The following GTF2A2 variants were observed in gnomAD, a reference collection of about 807,000 sequenced individuals.
GTF2A2 encodes general transcription factor IIA subunit 2, also known as transcription initiation factor IIA subunit 2.
Under a neutral mutation model 14.3 loss-of-function variants are expected in GTF2A2, and 9 were observed. That is an observed-to-expected ratio of 0.63 (90% CI 0.38 to 1.10). GTF2A2 has a LOEUF of 1.10. Ranked by LOEUF, GTF2A2 falls within the 50% of genes least tolerant of loss-of-function variation. The pLI is 0.01. For missense variants in GTF2A2, 90 were observed against 124.6 expected, an observed-to-expected ratio of 0.72 and a Z score of 1.32; for synonymous variants, 56 against 46.0, an observed-to-expected ratio of 1.22 and a Z score of -0.88.
In GTF2A2 at chr15:59,652,367, T is replaced by TA. The variant is rs1891819182; in HGVS notation, c.-49-42dup. The TA allele has an allele frequency of 8.7e-6, 6 of 692,446 alleles. No individual in the cohort carries two copies. In the East Asian group the frequency reaches 1.6e-4, roughly 19 times the overall value. 42.9% of individuals were successfully genotyped at this position (692,446 alleles called of 1,614,324 possible). On this transcript the variant is annotated intron_variant, in intron 1 of 4. Transcript: ENST00000396060. ...AAAATTGTTAAAAAAGATCATACTG[T>TA]AACATCATAAATTATGTATATAATA...
At chr15:59,639,665 A>G (rs1476068325) in intron 4 of GTF2A2, among the ~76,000 whole-genome samples, 1 of 151,802 alleles carries the variant, frequency 6.6e-6, no homozygotes, top group African/African-American at 2.4e-5. Context: ...TCACCATGTT[A>G]GCCAGGATGG....
At chr15:59,643,808 G>A (rs1313785489) in intron 3 of GTF2A2, among the ~76,000 whole-genome samples, 1 of 151,560 alleles carries the variant, frequency 6.6e-6, no homozygotes, top group Non-Finnish European at 1.5e-5. Flanking sequence ...ATGTTGTCCA[G>A]GCTGGTCTCA....
At chr15:59,640,156 T>TACTACACCGTGCTGAAGTGTGAG (rs66510515) in intron 4 of GTF2A2, 45,390 of 151,612 alleles carry the variant, frequency 0.3, 7,483 homozygotes, top group East Asian at 0.58. Context: ...AAAGATCAAT[T>TACTACACCGTGCTGAAGTGTGAG]ACTACACCGT....
chr15:59,655,169 T>C (rs1310005757), intron 1 of GTF2A2, among the ~76,000 whole-genome samples: 1 of 152,184 alleles, frequency 6.6e-6, no homozygotes, highest in African/African-American at 2.4e-5. Context: ...TGCGGATCAT[T>C]TCCATTAGCA....
chr15:59,648,169 G>A (rs1891668337), intron 3 of GTF2A2, among the ~76,000 whole-genome samples: 1 of 152,004 alleles, frequency 6.6e-6, no homozygotes, highest in Admixed American at 6.6e-5. Flanking sequence ...AGCACTTTGG[G>A]AGGCCGAGGC....
At chr15:59,649,841 C>G (rs1595672442) in intron 3 of GTF2A2, among the ~76,000 whole-genome samples, 1 of 152,200 alleles carries the variant, frequency 6.6e-6, no homozygotes, top group Admixed American at 6.5e-5. Context: ...TTAACAGACA[C>G]TCAAATTGTT....
At chr15:59,651,578 A>G (rs1252924634) in intron 2 of GTF2A2, 2 of 152,368 alleles carry the variant, frequency 1.3e-5, no homozygotes, top group South Asian at 4.1e-4. Context: ...GAAGACTTAA[A>G]TTGGACAAAA....
chr15:59,656,766 T>C (rs1891956792), intron 1 of GTF2A2: 1 of 152,196 alleles, frequency 6.6e-6, no homozygotes. Flanking sequence ...ATCTAGAAAA[T>C]AGCCCTGCGT....
chr15:59,642,070 G>C, intron 4 of GTF2A2, 66 bp downstream of exon 4: 1 of 1,443,476 alleles, frequency 6.9e-7, no homozygotes, highest in South Asian at 1.4e-5. Flanking sequence ...TATGGATGCA[G>C]ATCTTCTAAA....
rs889628227 is a variant in GTF2A2, at chr15:59,638,676, T to C, written c.*456A>G. On this transcript the variant is annotated 3_prime_UTR_variant, in exon 5 of 5. Transcript: ENST00000396060. Reference sequence around the variant, plus strand: ...GTATTTTAAAAAGCAAGGGATTTTCTTAAAAAATTCCATCCAGAGTTTGGT... The same window carrying C: ...GTATTTTAAAAAGCAAGGGATTTTCCTAAAAAATTCCATCCAGAGTTTGGT... 6.6e-6 allele frequency: 1 copy of C among 152,512 alleles called. No homozygotes were observed. Among genetic ancestry groups the C allele is most frequent in the Non-Finnish European group, 1.5e-5 (1 of 68,272 alleles). 9.4% of individuals were successfully genotyped at this position (152,512 alleles called of 1,614,324 possible).
At chr15:59,655,412 T>C (rs1278808001) in intron 1 of GTF2A2, among the ~76,000 whole-genome samples, 1 of 152,250 alleles carries the variant, frequency 6.6e-6, no homozygotes, top group Non-Finnish European at 1.5e-5. Context: ...ATGGCAATGC[T>C]AAAGCTAATT....
intron 4 of GTF2A2, chr15:59,640,067 T>TAACA (rs1425529575): frequency 6.6e-6 from 1 of 152,040 alleles, no homozygotes; most frequent in Admixed American, 6.6e-5. Flanking sequence ...CCCAAACTTC[T>TAACA]AACACTGCAT....
intron 3 of GTF2A2, among the ~76,000 whole-genome samples, chr15:59,645,638 C>A (rs143224229): frequency 1.3e-5 from 2 of 152,258 alleles, no homozygotes; most frequent in African/African-American, 2.4e-5. Context: ...TAGATCTCCT[C>A]GTTTGCTACA....
At position 59,639,162 on chromosome 15, in the gene GTF2A2, G is replaced by T. The variant is rs1288987695; in HGVS notation, c.305-5C>A. The T allele has an allele frequency of 6.9e-7, 1 of 1,442,324 alleles. No homozygotes were observed. The highest frequency in any genetic ancestry group is 1.7e-5 in the Admixed American group (1 of 59,358). 89.3% of individuals were successfully genotyped at this position (1,442,324 alleles called of 1,614,324 possible). ...CTGTAGTATTGGAGCCAGTATCTAGGAAACAAAAGAGAAAGTAAAGTAAAG... is the reference window on the plus strand; with the variant it reads ...CTGTAGTATTGGAGCCAGTATCTAGTAAACAAAAGAGAAAGTAAAGTAAAG... On this transcript the variant is annotated splice_region_variant and splice_polypyrimidine_tract_variant and intron_variant, in intron 4 of 4. Transcript: ENST00000396060.
At chr15:59,642,811 C>A (rs866031713) in intron 3 of GTF2A2, among the ~76,000 whole-genome samples, 1 of 152,058 alleles carries the variant, frequency 6.6e-6, no homozygotes, top group South Asian at 2.1e-4. Context: ...TCTGTTGCCA[C>A]GCTGGAGTGC....
chr15:59,639,327 A>C (rs1891304826), intron 4 of GTF2A2, among the ~76,000 whole-genome samples, 170 bp from the exon 5 acceptor site: 6 of 152,044 alleles, frequency 3.9e-5, no homozygotes, highest in Admixed American at 3.9e-4. Flanking sequence ...GTTGAACTTC[A>C]GTAAGTTTCC....
At chr15:59,645,703 A>G (rs1891580986) in intron 3 of GTF2A2, among the ~76,000 whole-genome samples, 1 of 152,156 alleles carries the variant, frequency 6.6e-6, no homozygotes, top group Non-Finnish European at 1.5e-5. Context: ...GTTCATTTCC[A>G]GCATCCTGAA....
At chr15:59,656,943 G>A (rs753606492) in intron 1 of GTF2A2, 1 of 152,194 alleles carries the variant, frequency 6.6e-6, no homozygotes, top group Non-Finnish European at 1.5e-5. Context: ...ACTCGTCCTA[G>A]CATTTTTTGA....
rs1319300250 is a variant in GTF2A2, at chr15:59,638,981, A to G, written c.*151T>C. 4 of 625,160 alleles carry G rather than the reference A, an allele frequency of 6.4e-6. No homozygotes were observed. The highest frequency in any genetic ancestry group is 5.3e-5 in the South Asian group (3 of 57,074). 38.7% of individuals were successfully genotyped at this position (625,160 alleles called of 1,614,324 possible). ...TAATAAAGGTGATGTAAGAGGCTAC[A>G]GAGTTACAAGTTTCTTTCTACTGGA... On this transcript the variant is annotated 3_prime_UTR_variant, in exon 5 of 5. Transcript: ENST00000396060.
Sources: gnomAD v4.1 joint callset for allele counts (sites outside exome capture counted in the v4.1 genomes callset) on GRCh38, gnomAD v4.1.1 for gene constraint, MANE v1.5 for transcripts, NCBI Gene and HGNC (gene_info 2026-07-23, HGNC 2026-07-21) for gene names.